The following ADAMTS6 variants were observed in gnomAD, a reference collection of about 807,000 sequenced individuals.
The protein encoded by ADAMTS6 is ADAM metallopeptidase with thrombospondin type 1 motif 6.
ADAMTS6 carries 23 observed loss-of-function variants against 144.3 expected under a neutral mutation model. That is an observed-to-expected ratio of 0.16 (90% CI 0.11 to 0.23). ADAMTS6 has a LOEUF of 0.23. Among genes scored for constraint, ADAMTS6 ranks in the 10% least tolerant of loss-of-function variants. The pLI, the probability that ADAMTS6 is intolerant of heterozygous loss-of-function variation, is 1.00. For missense variants in ADAMTS6, 999 were observed against 1,379.6 expected, an observed-to-expected ratio of 0.72 and a Z score of 4.37; for synonymous variants, 444 against 457.5, an observed-to-expected ratio of 0.97 and a Z score of 0.38.
At position 65,473,440 on chromosome 5, in the gene ADAMTS6, C is replaced by T. The variant is rs753908132; in HGVS notation, c.97+137G>A. On this transcript the variant is annotated intron_variant, in intron 2 of 24. Transcript: ENST00000381055. ...CCCTTAACATTTATGAAACTAATAC[C>T]GAATTGACACAGTAGGCCTCTATTC... 1.9e-5 allele frequency: 13 copies of T among 666,870 alleles called. No individual in the cohort carries two copies. The Admixed American group carries it at 2.7e-4, about 14-fold the overall frequency. 41.3% of individuals were successfully genotyped at this position (666,870 alleles called of 1,614,324 possible).
intron 7 of ADAMTS6, among the ~76,000 whole-genome samples, chr5:65,401,693 C>T (rs981243332): frequency 6.6e-6 from 1 of 152,152 alleles, no homozygotes; most frequent in Non-Finnish European, 1.5e-5. Flanking sequence ...TTGTGATTCT[C>T]TGTATTTGTC....
intron 9 of ADAMTS6, among the ~76,000 whole-genome samples, chr5:65,305,194 A>G (rs745450985): frequency 3.4e-4 from 52 of 152,212 alleles, no homozygotes; most frequent in Non-Finnish European, 1.3e-4. Flanking sequence ...AATCTTTACT[A>G]TTTTTGAATC....
chr5:65,239,173 G>A (rs1239032955), intron 15 of ADAMTS6, among the ~76,000 whole-genome samples: 2 of 151,470 alleles, frequency 1.3e-5, no homozygotes, highest in East Asian at 1.9e-4. Context: ...TGTAAATGGC[G>A]AGTCAATGGG....
At chr5:65,158,811 T>TCC (rs1752579191) in intron 24 of ADAMTS6, among the ~76,000 whole-genome samples, 1 of 152,206 alleles carries the variant, frequency 6.6e-6, no homozygotes, top group African/African-American at 2.4e-5. Flanking sequence ...AAATTGTATC[T>TCC]CCCTTCTTCT....
At chr5:65,190,543 G>C (rs1169086583) in intron 21 of ADAMTS6, among the ~76,000 whole-genome samples, 1 of 152,140 alleles carries the variant, frequency 6.6e-6, no homozygotes, top group Non-Finnish European at 1.5e-5. Context: ...GATCTCATTA[G>C]TTCTCATAAT....
chr5:65,185,311 A>C (rs1561259032), intron 22 of ADAMTS6, among the ~76,000 whole-genome samples: 1 of 152,230 alleles, frequency 6.6e-6, no homozygotes, highest in East Asian at 1.9e-4. Context: ...AACACACCCC[A>C]CATACCCCCT....
intron 24 of ADAMTS6, among the ~76,000 whole-genome samples, chr5:65,155,288 G>T (rs910778345): frequency 6.6e-6 from 1 of 152,072 alleles, no homozygotes; most frequent in Admixed American, 6.6e-5. Context: ...CAATGATGGG[G>T]ATATTCTCTG....
chr5:65,293,383 A>G (rs1310588835), intron 10 of ADAMTS6, among the ~76,000 whole-genome samples: 2 of 152,268 alleles, frequency 1.3e-5, no homozygotes, highest in East Asian at 1.9e-4. Flanking sequence ...AATATTTACA[A>G]TGGCATAACC....
intron 7 of ADAMTS6, chr5:65,415,813 G>T: frequency 3.8e-6 from 1 of 261,636 alleles, no homozygotes; most frequent in Non-Finnish European, 7.5e-6. Context: ...CATCATCCCA[G>T]CCAAGCTCTC....
At chr5:65,281,508 T>C (rs1762987466) in intron 11 of ADAMTS6, among the ~76,000 whole-genome samples, 1 of 152,122 alleles carries the variant, frequency 6.6e-6, no homozygotes, top group South Asian at 2.1e-4. Flanking sequence ...AAATGTAATA[T>C]CAACACTTGG....
chr5:65,459,988 C>T (rs1759522457), intron 4 of ADAMTS6, among the ~76,000 whole-genome samples, 182 bp downstream of exon 4: 1 of 152,206 alleles, frequency 6.6e-6, no homozygotes, highest in Non-Finnish European at 1.5e-5. Context: ...AAAAACTTCT[C>T]AAAGAGCTCC....
intron 12 of ADAMTS6, among the ~76,000 whole-genome samples, chr5:65,267,115 A>T (rs947823311): frequency 5.1e-5 from 7 of 137,894 alleles, no homozygotes; most frequent in Admixed American, 1.5e-4. Flanking sequence ...GTGTTGTGCC[A>T]TCTGTTTTTA....
At chr5:65,224,475 T>A (rs867868157) in intron 17 of ADAMTS6, 75 bp from the exon 18 acceptor site, 1 of 1,222,376 alleles carries the variant, frequency 8.2e-7, no homozygotes, top group Middle Eastern at 1.9e-4. Flanking sequence ...TCAATAGTAA[T>A]AGTTTCCTTA....
chr5:65,363,181 G>A (rs745838460), intron 7 of ADAMTS6, among the ~76,000 whole-genome samples: 8 of 152,064 alleles, frequency 5.3e-5, no homozygotes, highest in East Asian at 3.9e-4. Flanking sequence ...TAATTCTCAC[G>A]TAAATAAAAT....
chr5:65,403,775 T>C (rs1754162085), intron 7 of ADAMTS6, among the ~76,000 whole-genome samples: 1 of 152,112 alleles, frequency 6.6e-6, no homozygotes, highest in Non-Finnish European at 1.5e-5. Flanking sequence ...ACAAATAATA[T>C]AACTCTCTAG....
intron 9 of ADAMTS6, among the ~76,000 whole-genome samples, chr5:65,307,106 A>T (rs1286388912): frequency 3.3e-5 from 5 of 152,206 alleles, no homozygotes; most frequent in Non-Finnish European, 7.3e-5. Context: ...ATGGGGATTT[A>T]CTTCCATATT....
At position 65,186,552 on chromosome 5, in the gene ADAMTS6, T is replaced by C. The variant is rs544528265; in HGVS notation, c.2910+1464A>G. Reference sequence around the variant, plus strand: ...AACAAATTTCTCATACCAATGAATATTTATGGATTTCTATAAGGGTCCTGG... The same window carrying C: ...AACAAATTTCTCATACCAATGAATACTTATGGATTTCTATAAGGGTCCTGG... On this transcript the variant is annotated intron_variant, in intron 22 of 24. Coordinates refer to ENST00000381055, the MANE Select transcript of ADAMTS6 (RefSeq NM_197941.4). Among the ~76,000 whole-genome samples, 173 of 152,336 alleles carry C rather than the reference T, an allele frequency of 1.1e-3. 1 individual carries two copies. The highest frequency in any genetic ancestry group is 2.0e-3 in the Non-Finnish European group (139 of 68,038).
rs11296295 is a variant in ADAMTS6, at chr5:65,206,699, CAAAAA to C, written c.2575+8090_2575+8094del. ...TGGGCAACAGAGCCAGACTCCATCT[CAAAAA>C]AAAAAAAAAAAAAAAAGAATCAGGT... is the stretch of plus-strand genomic sequence containing the variant. On this transcript the variant is annotated intron_variant, in intron 20 of 24. Transcript: ENST00000381055. Among the ~76,000 whole-genome samples the C allele has an allele frequency of 5.1e-5, 4 of 77,876 alleles. No individual in the cohort carries two copies. In the East Asian group the frequency reaches 1.5e-3, roughly 30 times the overall value. 51.1% of individuals were successfully genotyped at this position (77,876 alleles called of 152,430 possible). A position where few individuals can be genotyped will look rare whatever the true frequency, so the allele number is the denominator to read the frequency against.
At chr5:65,307,817 GA>G (rs1311713619) in intron 9 of ADAMTS6, among the ~76,000 whole-genome samples, 1 of 152,166 alleles carries the variant, frequency 6.6e-6, no homozygotes, top group Non-Finnish European at 1.5e-5. Flanking sequence ...CCCAGTCTGA[GA>G]AACTAAACCA....
Sources: gnomAD v4.1 joint callset for allele counts (sites outside exome capture counted in the v4.1 genomes callset) on GRCh38, gnomAD v4.1.1 for gene constraint, MANE v1.5 for transcripts, NCBI Gene and HGNC (gene_info 2026-07-23, HGNC 2026-07-21) for gene names.